The following NEK1 variants were observed in gnomAD, a reference collection of about 807,000 sequenced individuals.
NEK1 encodes NIMA related kinase 1, also known as serine/threonine-protein kinase Nek1.
Under a neutral mutation model 182.1 loss-of-function variants are expected in NEK1, and 137 were observed. That is an observed-to-expected ratio of 0.75 (90% CI 0.65 to 0.87). The LOEUF is 0.87. Among genes scored for constraint, NEK1 ranks in the 40% least tolerant of loss-of-function variants. The pLI, the probability that NEK1 is intolerant of heterozygous loss-of-function variation, is 0.00. For synonymous variants in NEK1, 513 were observed against 492.2 expected (o/e 1.04, Z -0.56); for missense variants, 1,391 against 1,494.4 (o/e 0.93, Z 1.14).
At position 169,472,050 on chromosome 4, in the gene NEK1, C is replaced by T. The variant is rs143934825; in HGVS notation, c.2434+5074G>A. The stretch of plus-strand genomic sequence containing the variant: ...CAGTGGATCTTAGCTTGTGGGGCTC[C>T]GTGGGGGTGGGATCCGCTGAGCAAT... On this transcript the variant is annotated intron_variant, in intron 26 of 35. Transcript: ENST00000507142. Among the ~76,000 whole-genome samples, 17 of 152,086 alleles carry T rather than the reference C, an allele frequency of 1.1e-4. No individual in the cohort carries two copies. The East Asian group carries it at 2.3e-3, about 21-fold the overall frequency.
At chr4:169,511,484 T>G (rs1349554586) in intron 19 of NEK1, among the ~76,000 whole-genome samples, 2 of 152,136 alleles carry the variant, frequency 1.3e-5, no homozygotes, top group African/African-American at 4.8e-5. Context: ...TGAGTTACTC[T>G]GAAGTTTTAA....
intron 2 of NEK1, among the ~76,000 whole-genome samples, chr4:169,605,750 T>C (rs920306515): frequency 6.6e-6 from 1 of 152,140 alleles, no homozygotes; most frequent in Non-Finnish European, 1.5e-5. Flanking sequence ...CAAATGAAAA[T>C]CACAATACCA....
chr4:169,400,109 A>C, intron 35 of NEK1, 116 bp downstream of exon 35: 1 of 984,180 alleles, frequency 1.0e-6, no homozygotes, highest in South Asian at 1.4e-5. Flanking sequence ...TAAAAGTTAT[A>C]TAGTTCCCAA....
intron 4 of NEK1, among the ~76,000 whole-genome samples, chr4:169,599,841 T>TTATGTCTCGGTCCACAAAGAAAGGTA (rs1440421873): frequency 3.9e-5 from 6 of 152,194 alleles, no homozygotes; most frequent in Non-Finnish European, 7.4e-5. Context: ...CTTCTGTGCT[T>TTATGTCTCGGTCCACAAAGAAAGGTA]CTTCCTATGG....
At chr4:169,604,230 T>G (rs1770966498) in intron 2 of NEK1, among the ~76,000 whole-genome samples, 1 of 152,210 alleles carries the variant, frequency 6.6e-6, no homozygotes, top group African/African-American at 2.4e-5. Context: ...AGTATCACAC[T>G]TAAACCCTTA....
At chr4:169,406,872 TTA>T in intron 31 of NEK1, 125 bp from the exon 32 acceptor site, 2 of 532,386 alleles carry the variant, frequency 3.8e-6, no homozygotes, top group Non-Finnish European at 6.2e-6. Context: ...AAAAGTTTTT[TTA>T]TATATGTAAC....
rs149923703 is a variant in NEK1 at position 169,477,655 on chromosome 4, C to A, written c.2140-158G>T. On this transcript the variant is annotated intron_variant, in intron 24 of 35. Transcript: ENST00000507142. ...TTAACAAAGCTTCCTTCATTATCAG[C>A]AATGACTAACCTTTAAATATTATTA... Among the ~76,000 whole-genome samples the A allele has an allele frequency of 6.1e-3, 932 of 152,080 alleles. 14 individuals carry two copies. The highest frequency in any genetic ancestry group is 0.022 in the African/African-American group (896 of 41,508).
chr4:169,477,035 C>G, intron 26 of NEK1, 89 bp downstream of exon 26: 1 of 842,178 alleles, frequency 1.2e-6, no homozygotes, highest in Non-Finnish European at 1.7e-6. Context: ...CTCAATTCTT[C>G]TAAGTGTTCA....
At chr4:169,515,524 T>C (rs1755054575) in intron 19 of NEK1, among the ~76,000 whole-genome samples, 1 of 149,846 alleles carries the variant, frequency 6.7e-6, no homozygotes, top group African/African-American at 2.5e-5. Flanking sequence ...TATTATACTC[T>C]AAGTTTTAGG....
chr4:169,502,436 A>G (rs1189742371), intron 23 of NEK1, among the ~76,000 whole-genome samples: 1 of 152,086 alleles, frequency 6.6e-6, no homozygotes, highest in Non-Finnish European at 1.5e-5. Context: ...ACAAAAAAAG[A>G]AAACTACAGG....
intron 27 of NEK1, among the ~76,000 whole-genome samples, chr4:169,456,009 A>G (rs769210620): frequency 1.3e-5 from 2 of 152,198 alleles, no homozygotes; most frequent in Non-Finnish European, 2.9e-5. Context: ...AATTATACCA[A>G]GTTTCTTCTC....
intron 29 of NEK1, among the ~76,000 whole-genome samples, chr4:169,429,392 T>C (rs1737006929): frequency 6.6e-6 from 1 of 152,174 alleles, no homozygotes; most frequent in African/African-American, 2.4e-5. Flanking sequence ...TATTATAGGA[T>C]GTGCACATTT....
intron 27 of NEK1, among the ~76,000 whole-genome samples, chr4:169,444,878 C>T (rs932681493): frequency 2.0e-5 from 3 of 152,098 alleles, no homozygotes; most frequent in Non-Finnish European, 2.9e-5. Context: ...CAAATTAAAA[C>T]GTAACTACTT....
chr4:169,524,373 A>G (rs1033298443), intron 19 of NEK1, among the ~76,000 whole-genome samples: 1 of 150,172 alleles, frequency 6.7e-6, no homozygotes, highest in Non-Finnish European at 1.5e-5. Context: ...CTAAAGCAGA[A>G]TTGCTTGAAC....
At chr4:169,527,839 G>C (rs1373996735) in intron 19 of NEK1, among the ~76,000 whole-genome samples, 1 of 151,994 alleles carries the variant, frequency 6.6e-6, no homozygotes, top group Non-Finnish European at 1.5e-5. Context: ...ACGTCTTTAA[G>C]TATAATAATG....
intron 29 of NEK1, among the ~76,000 whole-genome samples, chr4:169,430,810 A>G (rs1391824189): frequency 6.6e-6 from 1 of 152,150 alleles, no homozygotes; most frequent in Non-Finnish European, 1.5e-5. Context: ...CATTAATGCA[A>G]GATGTTAAAA....
intron 35 of NEK1, among the ~76,000 whole-genome samples, 159 bp from the exon 36 acceptor site, chr4:169,394,682 C>T (rs1730405567): frequency 6.6e-6 from 1 of 152,038 alleles, no homozygotes; most frequent in Non-Finnish European, 1.5e-5. Context: ...AATATTCAGA[C>T]AATACAATGA....
chr4:169,445,071 C>T (rs1740244730), intron 27 of NEK1, among the ~76,000 whole-genome samples: 1 of 152,092 alleles, frequency 6.6e-6, no homozygotes, highest in African/African-American at 2.4e-5. Flanking sequence ...AGAAACACAA[C>T]AAACCAAAAT....
chr4:169,522,508 G>A (rs1267929751), intron 19 of NEK1, among the ~76,000 whole-genome samples: 2 of 152,164 alleles, frequency 1.3e-5, no homozygotes, highest in Non-Finnish European at 2.9e-5. Flanking sequence ...TTTAGCAATC[G>A]GCTTCTAGCC....
Sources: allele counts gnomAD v4.1 joint callset (sites outside exome capture counted in the v4.1 genomes callset), GRCh38; gene constraint gnomAD v4.1.1; transcripts MANE v1.5; gene names NCBI Gene and HGNC (gene_info 2026-07-23, HGNC 2026-07-21).